RIMBP2: variants seen among roughly 807,000 people sequenced by gnomAD.
The protein encoded by RIMBP2 is RIMS-binding protein 2.
Under a neutral mutation model 118.6 loss-of-function variants are expected in RIMBP2, and 48 were observed. The observed-to-expected ratio is 0.40, with a 90% CI of 0.32 to 0.51. The LOEUF is 0.51. Ranked by LOEUF, RIMBP2 falls within the 20% of genes least tolerant of loss-of-function variation. The pLI is 0.41. For missense variants in RIMBP2, 1,551 were observed against 1,768.3 expected (o/e 0.88, Z 2.20); for synonymous variants, 762 against 742.9 (o/e 1.03, Z -0.42).
rs146547538 is a variant in RIMBP2 at position 130,455,039 on chromosome 12, C to T, written c.358+1457G>A. 5.9e-5 allele frequency among the ~76,000 whole-genome samples: 9 copies of T among 152,352 alleles called. No homozygotes were observed. In the East Asian group the frequency reaches 1.4e-3, roughly 23 times the overall value. On this transcript the variant is annotated intron_variant, in intron 7 of 22. Transcript: ENST00000690449. ...CAGGAGTCTGGAGCTTCGGTGGGCA[C>T]GGTGCCCGCGCAAGCAGCCCCCAGG...
intron 12 of RIMBP2, among the ~76,000 whole-genome samples, 189 bp downstream of exon 12, chr12:130,438,176 A>G (rs1465240037): frequency 6.6e-6 from 1 of 152,120 alleles, no homozygotes; most frequent in Non-Finnish European, 1.5e-5. Flanking sequence ...GGGGAGCGAG[A>G]TGGGGGGAGT....
intron 1 of RIMBP2, among the ~76,000 whole-genome samples, chr12:130,664,403 G>GCACGCATGCA (rs2063793323): frequency 3.2e-5 from 2 of 61,694 alleles, no homozygotes; most frequent in African/African-American, 4.6e-5. Context: ...ACACACGCAC[G>GCACGCATGCA]CACGCACGCA....
At position 130,623,004 on chromosome 12, in the gene RIMBP2, C is replaced by T. The variant is rs1470047366; in HGVS notation, c.-217+5318G>A. ...CTGAGGTCTGGGGATACTGTTGGGG[C>T]CATTTCCTTCTAGTATCAATGGTTT... is the stretch of plus-strand genomic sequence containing the variant. On this transcript the variant is annotated intron_variant, in intron 2 of 22. Coordinates refer to ENST00000690449, the MANE Select transcript of RIMBP2 (RefSeq NM_001393629.1). This position sits in a 1 kb window ranked among gnomAD's most constrained non-coding sequence, Gnocchi z 4.1. 6.6e-6 allele frequency among the ~76,000 whole-genome samples: 1 copy of T among 152,128 alleles called. No individual in the cohort carries two copies. Among genetic ancestry groups the T allele is most frequent in the Non-Finnish European group, 1.5e-5 (1 of 68,044 alleles).
At chr12:130,510,471 C>T (rs2050799008) in intron 3 of RIMBP2, among the ~76,000 whole-genome samples, 1 of 152,084 alleles carries the variant, frequency 6.6e-6, no homozygotes, top group Non-Finnish European at 1.5e-5. Context: ...ATGACATTTA[C>T]TCTTTCTTTT....
intron 2 of RIMBP2, among the ~76,000 whole-genome samples, chr12:130,615,276 C>CATATATGTATATATATATAT (rs1555309136): frequency 3.0e-5 from 3 of 100,264 alleles, no homozygotes; most frequent in African/African-American, 1.2e-4. Context: ...AATACACATA[C>CATATATGTATATATATATAT]ATATATATAT....
intron 1 of RIMBP2, among the ~76,000 whole-genome samples, chr12:130,701,904 C>G (rs2136773734): frequency 6.6e-6 from 1 of 152,250 alleles, no homozygotes; most frequent in South Asian, 2.1e-4. Flanking sequence ...GAGGTACATG[C>G]AGCCCACACA....
chr12:130,644,820 A>G (rs11061051), intron 1 of RIMBP2, among the ~76,000 whole-genome samples: 44,839 of 152,186 alleles, frequency 0.29, 6,980 homozygotes, highest in African/African-American at 0.37. Context: ...GTCACTGGGC[A>G]AAGCACCCAA....
In RIMBP2 at chr12:130,529,818, A is replaced by G. The variant is rs537522033; in HGVS notation, c.-216-11901T>C. 2.2e-4 allele frequency among the ~76,000 whole-genome samples: 33 copies of G among 152,180 alleles called. 1 individual carries two copies. Among genetic ancestry groups the G allele is most frequent in the African/African-American group, 7.9e-4 (33 of 41,534 alleles). Reference sequence around the variant, plus strand: ...TCAGATCATCAGGCATTAGGTTCTCATAAGGAGTGTGCAAACTAGATCCCT... The same window carrying G: ...TCAGATCATCAGGCATTAGGTTCTCGTAAGGAGTGTGCAAACTAGATCCCT... On this transcript the variant is annotated intron_variant, in intron 2 of 22. Coordinates refer to ENST00000690449, the MANE Select transcript of RIMBP2 (RefSeq NM_001393629.1).
At chr12:130,453,619 G>A (rs2079175492) in intron 7 of RIMBP2, among the ~76,000 whole-genome samples, 1 of 152,196 alleles carries the variant, frequency 6.6e-6, no homozygotes, top group Admixed American at 6.5e-5. Flanking sequence ...CCACTCACGT[G>A]GGAAACCTCA....
intron 2 of RIMBP2, among the ~76,000 whole-genome samples, chr12:130,595,218 A>AG: frequency 6.6e-6 from 1 of 152,072 alleles, no homozygotes; most frequent in Non-Finnish European, 1.5e-5. Context: ...TCAGCAAACC[A>AG]TGCCCAAAGC....
chr12:130,547,874 T>C (rs1040640164), intron 2 of RIMBP2, among the ~76,000 whole-genome samples: 1 of 152,222 alleles, frequency 6.6e-6, no homozygotes, highest in Non-Finnish European at 1.5e-5. Flanking sequence ...TCATTTAAGC[T>C]TCTAAGCAGG....
intron 11 of RIMBP2, among the ~76,000 whole-genome samples, chr12:130,439,569 ATGTGGGTC>A (rs1387519014): frequency 1.3e-4 from 7 of 52,338 alleles, no homozygotes; most frequent in African/African-American, 5.9e-4. Flanking sequence ...CCATGGGTGT[ATGTGGGTC>A]TGTGGGGGTA....
At chr12:130,660,757 A>ACGGAC (rs2063624803) in intron 1 of RIMBP2, 1 of 152,190 alleles carries the variant, frequency 6.6e-6, no homozygotes, top group African/African-American at 2.4e-5. Context: ...CATTTGACGT[A>ACGGAC]AAGACGCCAG....
chr12:130,676,592 C>T (rs2064491163), intron 1 of RIMBP2, among the ~76,000 whole-genome samples: 1 of 151,384 alleles, frequency 6.6e-6, no homozygotes, highest in East Asian at 1.9e-4. Context: ...CACTGAACTC[C>T]AGCCTGGGTG....
intron 1 of RIMBP2, among the ~76,000 whole-genome samples, chr12:130,651,981 A>G (rs1333831649): frequency 2.6e-5 from 4 of 152,186 alleles, no homozygotes; most frequent in Non-Finnish European, 5.9e-5. Context: ...GCTGTTGTCT[A>G]CTAAATCATT....
At position 130,617,791 on chromosome 12, in the gene RIMBP2, T is replaced by G. The variant is rs1008271553; in HGVS notation, c.-217+10531A>C. 6.6e-6 allele frequency among the ~76,000 whole-genome samples: 1 copy of G among 152,106 alleles called. No homozygotes were observed. Among genetic ancestry groups the G allele is most frequent in the East Asian group, 1.9e-4 (1 of 5,182 alleles). ...ATTATTCTGGTAGAACAGGAATCAC[T>G]CCGTTGTCTGGGCTACTTAGAGATG... On this transcript the variant is annotated intron_variant, in intron 2 of 22. Coordinates refer to ENST00000690449, the MANE Select transcript of RIMBP2 (RefSeq NM_001393629.1). This position sits in a 1 kb window ranked among gnomAD's most constrained non-coding sequence, Gnocchi z 4.6.
rs375121265 is a variant in RIMBP2 at position 130,414,163 on chromosome 12, C to T, written c.3382G>A (p.Glu1128Lys). The change falls in exon 18 of 23, where the codon GAG (glutamate) becomes AAG (lysine). Residue 1128 changes from glutamate (E) to lysine (K), a missense_variant. Transcript: ENST00000690449. ...LTMSPNPDAAEEELPFKEGQI... is the reference protein window; with the variant it reads ...LTMSPNPDAAKEELPFKEGQI... Reference sequence around the variant, plus strand: ...CCTTCTTTAAAGGGAAGCTCCTCCTCTGCAGCATCTGGGTTTGGGGACATG... The same window carrying T: ...CCTTCTTTAAAGGGAAGCTCCTCCTTTGCAGCATCTGGGTTTGGGGACATG... 3 of 1,614,202 alleles carry T rather than the reference C, an allele frequency of 1.9e-6. No homozygotes were observed. Among genetic ancestry groups the T allele is most frequent in the Non-Finnish European group, 2.5e-6 (3 of 1,180,038 alleles).
At chr12:130,438,344 A>ACCCC in intron 12 of RIMBP2, 21 bp downstream of exon 12, 3 of 685,498 alleles carry the variant, frequency 4.4e-6, no homozygotes, top group Non-Finnish European at 6.8e-6. Flanking sequence ...AACCCTCCCC[A>ACCCC]CCCACCCAAC....
At chr12:130,398,273 G>A (rs1316522418) in intron 22 of RIMBP2, 2 of 152,226 alleles carry the variant, frequency 1.3e-5, no homozygotes, top group Non-Finnish European at 2.9e-5. Context: ...CTAAGCATGT[G>A]CCTGAGTTGG....
Sources: gnomAD v4.1 joint callset for allele counts (sites outside exome capture counted in the v4.1 genomes callset) on GRCh38, gnomAD v4.1.1 for gene constraint, Gnocchi (gnomAD v3.1) non-coding constraint, MANE v1.5 for transcripts, NCBI Gene and HGNC (gene_info 2026-07-23, HGNC 2026-07-21) for gene names.